CHD4: variants seen among roughly 807,000 people sequenced by gnomAD.
CHD4 encodes the protein ATP-dependent chromatin remodeler CHD4.
CHD4 carries 35 observed loss-of-function variants against 235.5 expected under a neutral mutation model. The ratio of observed to expected loss-of-function variants is 0.15; its 90% CI spans 0.11 to 0.20. The LOEUF is 0.20. CHD4 is among the 10% of genes least tolerant of loss of function. The pLI is 1.00. For synonymous variants in CHD4, 900 were observed against 850.2 expected, an observed-to-expected ratio of 1.06 and a Z score of -1.02; for missense variants, 1,329 against 2,432.3, an observed-to-expected ratio of 0.55 and a Z score of 9.54.
chr12:6,586,189 G>C (rs928551117), intron 25 of CHD4, among the ~76,000 whole-genome samples: 2 of 151,498 alleles, frequency 1.3e-5, no homozygotes, highest in African/African-American at 4.9e-5. Context: ...ACAAGGTCAG[G>C]AGATCGAGAC....
intron 39 of CHD4, 34 bp from the exon 40 acceptor site, chr12:6,570,727 G>C: frequency 6.2e-7 from 1 of 1,614,120 alleles, no homozygotes; most frequent in South Asian, 1.1e-5. Flanking sequence ...CAGAATTCCA[G>C]ATGATAGGAA....
rs116695160 is a variant in CHD4 at position 6,593,393 on chromosome 12, G to T, written c.2514+23C>A. 1 of 1,611,570 alleles carries T rather than the reference G, an allele frequency of 6.2e-7. No individual in the cohort carries two copies. Among genetic ancestry groups the T allele is most frequent in the Non-Finnish European group, 8.5e-7 (1 of 1,177,978 alleles). ...CAGAAGCCACAACTCTTTCTCTAGG[G>T]TGGCTTCCCTCCCCTGAGATACCTT... On this transcript the variant is annotated intron_variant, in intron 16 of 39. Coordinates refer to ENST00000544040, the MANE Select transcript of CHD4 (RefSeq NM_001273.5). This position sits in a 1 kb window ranked among gnomAD's most constrained non-coding sequence, Gnocchi z 4.9.
At chr12:6,592,137 T>C (rs1948411500) in intron 19 of CHD4, 80 bp from the exon 20 acceptor site, 2 of 1,552,444 alleles carry the variant, frequency 1.3e-6, no homozygotes. Context: ...AACTGAGATC[T>C]TTCTTCCAAC....
At position 6,600,677 on chromosome 12, in the gene CHD4, G is replaced by C. The variant is rs1948573821; in HGVS notation, c.928-8C>G. 1 of 1,613,542 alleles carries C rather than the reference G, an allele frequency of 6.2e-7. No homozygotes were observed. The highest frequency in any genetic ancestry group is 8.5e-7 in the Non-Finnish European group (1 of 1,179,836). On this transcript the variant is annotated splice_region_variant and splice_polypyrimidine_tract_variant and intron_variant, in intron 7 of 39. Coordinates refer to ENST00000544040, the MANE Select transcript of CHD4 (RefSeq NM_001273.5). ...TAAGTCATCATCCTCACTCTGGCAG[G>C]ATGAAAAAGAATAAGGTTAGACGTT...
Position 6,600,254 on chromosome 12 carries a change from T to C in CHD4, c.1205A>G (p.Glu402Gly), listed in dbSNP as rs1565617287. 6.2e-7 allele frequency: 1 copy of C among 1,613,998 alleles called. No individual in the cohort carries two copies. Residue 402 changes from glutamate (E) to glycine (G), a missense_variant, in exon 9 of 40, where the codon GAG becomes GGG. Coordinates refer to ENST00000544040, the MANE Select transcript of CHD4 (RefSeq NM_001273.5). ...GCTCCACTTGCCCTCGGGAGCCTTC[T>C]CCATGTCGGGATCCAGGCAGACCAT... is the stretch of plus-strand genomic sequence containing the variant. ...YHMVCLDPDM[E>G]KAPEGKWSCP... is the part of the protein sequence containing the mutation.
rs35512811 is a variant in CHD4 at position 6,578,884 on chromosome 12, G to A, written c.4943C>T (p.Ser1648Leu). The A allele has an allele frequency of 3.7e-3, 6,052 of 1,614,134 alleles. 208 individuals carry two copies. In the African/African-American group the frequency reaches 0.072, roughly 19 times the overall value. ...CACAATAGGGGTCAGATCTATTGCT[G>A]ACTTTTCCTCCACCTTCTCTACATC... is the stretch of plus-strand genomic sequence containing the variant. Reference protein sequence around the residue: ...AADVEKVEEKSAIDLTPIVVE... With the variant: ...AADVEKVEEKLAIDLTPIVVE... Residue 1648 changes from serine to leucine, a missense_variant, in exon 34 of 40, where the codon TCA (serine) becomes TTA (leucine). Transcript: ENST00000544040.
At chr12:6,606,646 G>T in intron 1 of CHD4, 195 bp from the exon 2 acceptor site, 1 of 359,858 alleles carries the variant, frequency 2.8e-6, no homozygotes, top group Non-Finnish European at 5.0e-6. Context: ...CCCACGGAGC[G>T]AGGGAGCGAC....
At chr12:6,601,193 T>G (rs1481097099) in intron 6 of CHD4, 96 bp downstream of exon 6, 1 of 1,555,436 alleles carries the variant, frequency 6.4e-7, no homozygotes, top group African/African-American at 1.4e-5. Context: ...CCCTCCTATC[T>G]CCTACCTTAG....
intron 13 of CHD4, 39 bp from the exon 14 acceptor site, chr12:6,595,469 T>C (rs1948472437): frequency 1.3e-6 from 2 of 1,579,922 alleles, no homozygotes; most frequent in African/African-American, 2.7e-5. Flanking sequence ...CCAAAATCCT[T>C]TTCTATAGAA....
intron 22 of CHD4, among the ~76,000 whole-genome samples, chr12:6,590,941 G>A (rs1266118253): frequency 6.6e-6 from 1 of 151,756 alleles, no homozygotes; most frequent in Non-Finnish European, 1.5e-5. Context: ...TGGCCAACAT[G>A]GTGAAACCAC....
rs993042963 is a variant in CHD4 at position 6,607,304 on chromosome 12, G to A, written c.-83C>T. On this transcript the variant is annotated 5_prime_UTR_variant, in exon 1 of 40. Transcript: ENST00000544040. ...GGAACCCCGCGCTCTCCTCACCCCG[G>A]AGCCGCCGCAGGTCGCGCTGGGTCC... 1 of 151,938 alleles carries A rather than the reference G, an allele frequency of 6.6e-6. No individual in the cohort carries two copies. Among genetic ancestry groups the A allele is most frequent in the African/African-American group, 2.4e-5 (1 of 41,320 alleles). 9.4% of individuals were successfully genotyped at this position (151,938 alleles called of 1,614,324 possible). A position where few individuals can be genotyped will look rare whatever the true frequency, so the allele number is the denominator to read the frequency against.
At chr12:6,584,053 C>A (rs934917344) in intron 25 of CHD4, 1 of 152,126 alleles carries the variant, frequency 6.6e-6, no homozygotes, top group Admixed American at 6.6e-5. Context: ...TCTGTATCCA[C>A]GGGTTCCGCA....
At chr12:6,592,901 C>A in intron 17 of CHD4, 84 bp from the exon 18 acceptor site, 1 of 1,547,282 alleles carries the variant, frequency 6.5e-7, no homozygotes, top group South Asian at 1.2e-5. Flanking sequence ...TTTTCACTGC[C>A]CAATAGTTAA....
At chr12:6,580,875 CGTCT>C (rs1948172832) in intron 33 of CHD4, 165 bp downstream of exon 33, 1 of 689,144 alleles carries the variant, frequency 1.5e-6, no homozygotes, top group Admixed American at 2.6e-5. Context: ...GGCATGATGG[CGTCT>C]GTCTGTAATC....
At chr12:6,582,785 T>TCG (rs1565605882) in intron 28 of CHD4, 37 bp from the exon 29 acceptor site, 1 of 1,614,070 alleles carries the variant, frequency 6.2e-7, no homozygotes, top group East Asian at 2.2e-5. Context: ...AGGCAGCAGG[T>TCG]CGCATTCCAC....
intron 33 of CHD4, 21 bp downstream of exon 33, chr12:6,581,023 A>AC (rs376225091): frequency 1.1e-5 from 17 of 1,595,380 alleles, no homozygotes; most frequent in African/African-American, 2.7e-5. Context: ...AAACAAACAA[A>AC]AAAAATGTGG....
chr12:6,574,215 T>G (rs1400806376), intron 37 of CHD4, among the ~76,000 whole-genome samples: 1 of 152,190 alleles, frequency 6.6e-6, no homozygotes, highest in Non-Finnish European at 1.5e-5. Flanking sequence ...TCTGTATCTA[T>G]AAAATGCTTT....
rs1305179107 is a variant in CHD4 at position 6,587,896 on chromosome 12, C to G, written c.3519G>C (p.Arg1173=). 1 of 1,614,144 alleles carries G rather than the reference C, an allele frequency of 6.2e-7. No homozygotes were observed. The highest frequency in any genetic ancestry group is 8.5e-7 in the Non-Finnish European group (1 of 1,180,054). Residue 1173 remains arginine (R), a synonymous_variant, in exon 24 of 40, where the codon CGG becomes CGC. Coordinates refer to ENST00000544040, the MANE Select transcript of CHD4 (RefSeq NM_001273.5). Reference sequence around the variant, plus strand: ...CCTCCACTGACGCACGGGTCACAAACCGGTAGATCATTACCTTTTTATTTT... The same window carrying G: ...CCTCCACTGACGCACGGGTCACAAAGCGGTAGATCATTACCTTTTTATTTT... ...IGQNKKVMIY[R]FVTRASVEER... is the part of the protein sequence containing the mutation.
chr12:6,587,101 T>C, intron 25 of CHD4: 1 of 382,504 alleles, frequency 2.6e-6, no homozygotes, highest in Non-Finnish European at 4.7e-6. Flanking sequence ...AAAATTTCAT[T>C]TGTAAGGTTT....
Sources: gnomAD v4.1 joint callset for allele counts (sites outside exome capture counted in the v4.1 genomes callset) on GRCh38, gnomAD v4.1.1 for gene constraint, Gnocchi (gnomAD v3.1) non-coding constraint, MANE v1.5 for transcripts, NCBI Gene and HGNC (gene_info 2026-07-23, HGNC 2026-07-21) for gene names.